XPR1: variants seen among roughly 807,000 people sequenced by gnomAD.
XPR1 encodes the protein xenotropic and polytropic retrovirus receptor 1.
XPR1 carries 28 observed loss-of-function variants against 87.5 expected under a neutral mutation model. The observed-to-expected ratio is 0.32, with a 90% CI of 0.24 to 0.44. The LOEUF is 0.44. Ranked by LOEUF, XPR1 falls within the 20% of genes least tolerant of loss-of-function variation. XPR1 has a pLI of 1.00. For synonymous variants in XPR1, 300 were observed against 306.1 expected, an observed-to-expected ratio of 0.98 and a Z score of 0.21; for missense variants, 559 against 862.3, an observed-to-expected ratio of 0.65 and a Z score of 4.41.
intron 9 of XPR1, among the ~76,000 whole-genome samples, chr1:180,832,506 A>G (rs77450830): frequency 0.39 from 59,414 of 151,956 alleles, 11,851 homozygotes; most frequent in African/African-American, 0.42. Flanking sequence ...TTTCTTCTAG[A>G]GTTTTTATGG....
chr1:180,769,684 A>G (rs563593606), intron 2 of XPR1, among the ~76,000 whole-genome samples: 172 of 152,258 alleles, frequency 1.1e-3, no homozygotes, highest in African/African-American at 3.8e-3. Context: ...TCATCTGTCA[A>G]TGGACATTTA....
chr1:180,684,629 G>A (rs900953255), intron 2 of XPR1, among the ~76,000 whole-genome samples: 2 of 152,100 alleles, frequency 1.3e-5, no homozygotes, highest in Non-Finnish European at 2.9e-5. Context: ...AGCATGGAAT[G>A]TTCTTCCATT....
chr1:180,705,305 A>C (rs1657521305), intron 2 of XPR1, among the ~76,000 whole-genome samples: 1 of 152,180 alleles, frequency 6.6e-6, no homozygotes, highest in African/African-American at 2.4e-5. Context: ...CTATGTGTTT[A>C]CTGTAAGAGG....
chr1:180,653,085 C>G (rs1475175772), intron 1 of XPR1, among the ~76,000 whole-genome samples: 1 of 152,162 alleles, frequency 6.6e-6, no homozygotes, highest in Admixed American at 6.5e-5. Flanking sequence ...TCATGGCTAG[C>G]TTACCCCTAA....
chr1:180,795,640 A>G (rs1452200623), intron 3 of XPR1, among the ~76,000 whole-genome samples: 1 of 152,180 alleles, frequency 6.6e-6, no homozygotes, highest in Non-Finnish European at 1.5e-5. Context: ...CTTTTGTCCT[A>G]GAAGCATCAT....
chr1:180,757,012 A>G (rs758596834), intron 2 of XPR1, among the ~76,000 whole-genome samples: 3 of 152,190 alleles, frequency 2.0e-5, no homozygotes, highest in East Asian at 1.9e-4. Flanking sequence ...TCGTTGACCT[A>G]TGTTTATTCT....
chr1:180,879,924 C>T (rs1374704316), intron 13 of XPR1, 152 bp from the exon 14 acceptor site: 52 of 787,506 alleles, frequency 6.6e-5, no homozygotes, highest in Non-Finnish European at 9.1e-5. Context: ...CCACCACCTC[C>T]CCGCAACACC....
At chr1:180,874,185 G>A (rs1652589471) in intron 13 of XPR1, 1 of 394,682 alleles carries the variant, frequency 2.5e-6, no homozygotes, top group Non-Finnish European at 4.5e-6. Context: ...GTGAGCTACT[G>A]TGCCCGGCCC....
At chr1:180,854,945 C>T (rs977492255) in intron 11 of XPR1, among the ~76,000 whole-genome samples, 3 of 152,140 alleles carry the variant, frequency 2.0e-5, no homozygotes, top group Non-Finnish European at 4.4e-5. Flanking sequence ...TGTTGCCTTT[C>T]CCAAGTATTT....
intron 4 of XPR1, among the ~76,000 whole-genome samples, chr1:180,804,270 C>T (rs369067594): frequency 4.1e-4 from 63 of 152,300 alleles, no homozygotes; most frequent in African/African-American, 1.4e-3. Context: ...GCCAATGCTC[C>T]CAGCCTGTAA....
At chr1:180,801,662 A>G (rs1313155581) in intron 3 of XPR1, among the ~76,000 whole-genome samples, 3 of 152,214 alleles carry the variant, frequency 2.0e-5, no homozygotes, top group African/African-American at 2.4e-5. Flanking sequence ...GACAACAGCA[A>G]GACAGTATAG....
At chr1:180,838,765 G>A (rs190109908) in intron 11 of XPR1, among the ~76,000 whole-genome samples, 2 of 152,138 alleles carry the variant, frequency 1.3e-5, no homozygotes, top group Non-Finnish European at 2.9e-5. Context: ...TCTCTTTGCT[G>A]TTGAACTATA....
chr1:180,730,566 A>G (rs1047996451), intron 2 of XPR1, among the ~76,000 whole-genome samples: 3 of 152,170 alleles, frequency 2.0e-5, no homozygotes, highest in African/African-American at 7.2e-5. Context: ...CATTTCCTGA[A>G]TGTGCCAGAG....
In XPR1 at chr1:180,779,675, C is replaced by T. The variant is rs184752709; in HGVS notation, c.122-8078C>T. Reference sequence around the variant, plus strand: ...CTGAGGCAGGAGAATCACTTGAACCCGGGAGGCAGAAAGGAAAGAAAAGAG... The same window carrying T: ...CTGAGGCAGGAGAATCACTTGAACCTGGGAGGCAGAAAGGAAAGAAAAGAG... On this transcript the variant is annotated intron_variant, in intron 2 of 14. Transcript: ENST00000367590. Among the ~76,000 whole-genome samples the T allele has an allele frequency of 3.3e-3, 499 of 149,374 alleles. 5 individuals carry two copies. The highest frequency in any genetic ancestry group is 0.01 in the Middle Eastern group (3 of 294).
intron 2 of XPR1, among the ~76,000 whole-genome samples, chr1:180,712,546 G>T (rs1056079431): frequency 6.6e-6 from 1 of 152,184 alleles, no homozygotes; most frequent in Non-Finnish European, 1.5e-5. Context: ...GGTGGCTCAT[G>T]CCTGTAATCC....
intron 2 of XPR1, among the ~76,000 whole-genome samples, chr1:180,708,918 G>A (rs1340032716): frequency 8.8e-6 from 1 of 113,998 alleles, no homozygotes; most frequent in African/African-American, 3.1e-5. Context: ...TTGGGGGGGG[G>A]GGGGCGGGGG....
chr1:180,880,736 A>C (rs1004817566), intron 14 of XPR1, among the ~76,000 whole-genome samples: 1 of 152,136 alleles, frequency 6.6e-6, no homozygotes, highest in Admixed American at 6.5e-5. Flanking sequence ...GGTTAAGTGG[A>C]TTATATTCAT....
chr1:180,824,106 A>C (rs1041563313), intron 7 of XPR1, among the ~76,000 whole-genome samples: 2 of 152,302 alleles, frequency 1.3e-5, no homozygotes, highest in African/African-American at 2.4e-5. Flanking sequence ...CGGATCCCCA[A>C]ATGACAGAAC....
At chr1:180,837,927 C>T (rs553958477) in intron 11 of XPR1, among the ~76,000 whole-genome samples, 23 of 152,250 alleles carry the variant, frequency 1.5e-4, no homozygotes, top group Admixed American at 5.9e-4. Context: ...TCTTCCATCC[C>T]AGGTAAAAAT....
Sources: gnomAD v4.1 joint callset for allele counts (sites outside exome capture counted in the v4.1 genomes callset) on GRCh38, gnomAD v4.1.1 for gene constraint, MANE v1.5 for transcripts, NCBI Gene and HGNC (gene_info 2026-07-23, HGNC 2026-07-21) for gene names.